Variants in TKTL1 observed in about 807,000 individuals in gnomAD.
TKTL1 encodes the protein transketolase like 1, also known as transketolase-like protein 1.
In TKTL1, 1 loss-of-function variant was observed where a neutral mutation model predicts 39.3. That is an observed-to-expected ratio of 0.03 (90% CI 0.01 to 0.12). The LOEUF (loss-of-function observed/expected upper bound fraction) is 0.12, where lower values mean the gene tolerates loss of function less well. TKTL1 is among the 10% of genes least tolerant of loss of function. TKTL1 has a pLI of 1.00. For missense variants in TKTL1, 575 were observed against 509.6 expected, an observed-to-expected ratio of 1.13 and a Z score of -1.24; for synonymous variants, 262 against 193.8, an observed-to-expected ratio of 1.35 and a Z score of -2.92.
intron 3 of TKTL1, 46 bp downstream of exon 3, chrX:154,309,488 C>T (rs370731932): frequency 2.6e-5 from 28 of 1,074,966 alleles, no homozygotes; most frequent in Non-Finnish European, 3.6e-5. Context: ...ACATCTACAT[C>T]CCCTTCCTAG....
intron 12 of TKTL1, 105 bp downstream of exon 12, chrX:154,328,063 C>T (rs1168602178): frequency 3.9e-6 from 4 of 1,016,233 alleles, no homozygotes; most frequent in South Asian, 2.1e-5. Context: ...ACCTCTCACC[C>T]AGCATGGCTT....
At position 154,330,008 on chromosome X, in the gene TKTL1, C is replaced by G. The variant is rs1557172898; in HGVS notation, c.*320C>G. 5.2e-6 allele frequency: 1 copy of G among 191,439 alleles called. No individual in the cohort carries two copies. Among genetic ancestry groups the G allele is most frequent in the Non-Finnish European group, 9.6e-6 (1 of 104,121 alleles). 15.8% of individuals were successfully genotyped at this position (191,439 alleles called of 1,213,427 possible). A position where few individuals can be genotyped will look rare whatever the true frequency, so the allele number is the denominator to read the frequency against. ...AAGTGGTAGAGGTAATCAATTCTTC[C>G]GAAGTGTTTCCTTCGTGAATAACTG... On this transcript the variant is annotated 3_prime_UTR_variant, in exon 13 of 13. Coordinates refer to ENST00000369915, the MANE Select transcript of TKTL1 (RefSeq NM_012253.4).
Position 154,295,856 on chromosome X carries a change from A to T in TKTL1, c.-4A>T. ...GGTCTTCAGACTCCAAAGGGGTTGG[A>T]CTAATGGCGGATGCTGAGGCGAGGG... On this transcript the variant is annotated 5_prime_UTR_variant, in exon 1 of 13. Transcript: ENST00000369915. 8.3e-7 allele frequency: 1 copy of T among 1,210,637 alleles called. No homozygotes were observed. The highest frequency in any genetic ancestry group is 1.7e-5 in the African/African-American group (1 of 57,768).
At chrX:154,324,909 C>T in intron 9 of TKTL1, among the ~76,000 whole-genome samples, 1 of 112,238 alleles carries the variant, frequency 8.9e-6, no homozygotes, top group East Asian at 2.8e-4. Flanking sequence ...AATGTATTTA[C>T]ATTTTATTGG....
intron 4 of TKTL1, 31 bp downstream of exon 4, chrX:154,311,058 T>C: frequency 8.3e-7 from 1 of 1,211,208 alleles, no homozygotes. Context: ...TTGATTTCCA[T>C]TCTGTCCTGC....
intron 1 of TKTL1, among the ~76,000 whole-genome samples, chrX:154,303,379 ATTTTTTTT>A (rs1172255094): frequency 2.0e-3 from 66 of 33,657 alleles, no homozygotes; most frequent in Non-Finnish European, 2.3e-3. Flanking sequence ...TGCCCAGCTA[ATTTTTTTT>A]TTTTTTTTTT....
Position 154,295,997 on chromosome X carries a change from A to AGTTCTCCTCATTGAAGTCT in TKTL1, c.134+6_134+24dup, listed in dbSNP as rs782294192. ...CCACATGCTCCACGAGCTCCGGGTAAGTTCTCCTCATTGAAGTCTGGGTCA... is the reference window on the plus strand; with the variant it reads ...CCACATGCTCCACGAGCTCCGGGTAAGTTCTCCTCATTGAAGTCTGTTCTCCTCATTGAAGTCTGGGTCA... On this transcript the variant is annotated splice_donor_region_variant and intron_variant, in intron 1 of 12. Transcript: ENST00000369915. The AGTTCTCCTCATTGAAGTCT allele has an allele frequency of 9.1e-6, 11 of 1,210,364 alleles. No individual in the cohort carries two copies. In the South Asian group the frequency reaches 1.2e-4, roughly 14 times the overall value.
At position 154,315,211 on chromosome X, in the gene TKTL1, G is replaced by T; in HGVS notation, c.903G>T (p.Lys301Asn). ...AAGCATGCGGTCTGGCTCTGGCTAA[G>T]CTGGGCTACGCGAACAACAGAGTCG... ...TRKACGLALA[K>N]LGYANNRVVV... Residue 301 changes from lysine to asparagine, a missense_variant, in exon 7 of 13, where the codon AAG (lysine) becomes AAT (asparagine). By Grantham distance (94) the Lys-to-Asn change is moderately conservative (BLOSUM62 0). Coordinates refer to ENST00000369915, the MANE Select transcript of TKTL1 (RefSeq NM_012253.4). The T allele has an allele frequency of 1.7e-6, 2 of 1,211,612 alleles. No individual in the cohort carries two copies. Among genetic ancestry groups the T allele is most frequent in the Non-Finnish European group, 2.2e-6 (2 of 895,410 alleles).
At chrX:154,309,247 T>A in intron 2 of TKTL1, 98 bp from the exon 3 acceptor site, 2 of 721,697 alleles carry the variant, frequency 2.8e-6, no homozygotes, top group East Asian at 6.4e-5. Flanking sequence ...GGGACGCTGC[T>A]ACAGAGCTGA....
chrX:154,309,301 G>A (rs1557167794), intron 2 of TKTL1, 44 bp from the exon 3 acceptor site: 3 of 1,092,923 alleles, frequency 2.7e-6, no homozygotes, highest in East Asian at 6.0e-5. Flanking sequence ...CTGATACCAT[G>A]TCCTGCAGCT....
intron 7 of TKTL1, among the ~76,000 whole-genome samples, chrX:154,317,105 C>G (rs782251300): frequency 2.7e-5 from 3 of 111,418 alleles, no homozygotes; most frequent in Non-Finnish European, 5.7e-5. Flanking sequence ...GAAAACAATG[C>G]GATCCGTAAT....
At chrX:154,303,379 ATTTTTTTTT>A (rs1172255094) in intron 1 of TKTL1, among the ~76,000 whole-genome samples, 23 of 33,669 alleles carry the variant, frequency 6.8e-4, no homozygotes, top group Non-Finnish European at 9.3e-4. Context: ...TGCCCAGCTA[ATTTTTTTTT>A]TTTTTTTTTT....
intron 2 of TKTL1, among the ~76,000 whole-genome samples, chrX:154,308,133 A>T (rs1557167589): frequency 8.9e-6 from 1 of 111,990 alleles, no homozygotes; most frequent in African/African-American, 3.2e-5. Context: ...ATGGAGTGTC[A>T]GGTGGGGCCA....
chrX:154,327,936 A>G lies in TKTL1; in HGVS notation c.1596A>G (p.Thr532=). The change falls in exon 12 of 13, where the codon ACA becomes ACG. Residue 532 remains threonine, a synonymous_variant. Transcript: ENST00000369915. ...SAKATEGRII[T]VEDHYPQGGI... ...AAGCCACAGAGGGCCGGATCATTAC[A>G]GTGGAGGATCACTACCCGCAAGGTG... The G allele has an allele frequency of 9.9e-6, 12 of 1,211,815 alleles. No homozygotes were observed. The highest frequency in any genetic ancestry group is 1.2e-5 in the Non-Finnish European group (11 of 895,486).
rs1393764909 is a variant in TKTL1, at chrX:154,328,057, C to G, written c.1618+99C>G. 2.9e-6 allele frequency: 3 copies of G among 1,042,906 alleles called. No individual in the cohort carries two copies. In the South Asian group the frequency reaches 6.1e-5, roughly 21 times the overall value. 85.9% of individuals were successfully genotyped at this position (1,042,906 alleles called of 1,213,427 possible). ...CTCAGGCATCACCTATAGTCTACCT[C>G]TCACCCAGCATGGCTTTGTTATTTG... On this transcript the variant is annotated intron_variant, in intron 12 of 12. Coordinates refer to ENST00000369915, the MANE Select transcript of TKTL1 (RefSeq NM_012253.4).
intron 1 of TKTL1, among the ~76,000 whole-genome samples, chrX:154,299,829 A>T (rs1279272520): frequency 9.1e-6 from 1 of 110,425 alleles, no homozygotes; most frequent in Non-Finnish European, 1.9e-5. Flanking sequence ...TTCTTTATCC[A>T]CTCATTGGTT....
chrX:154,299,190 T>C (rs1249928082), intron 1 of TKTL1, among the ~76,000 whole-genome samples: 1 of 103,428 alleles, frequency 9.7e-6, no homozygotes, highest in African/African-American at 3.5e-5. Context: ...AGTTTTGCTT[T>C]TGTTGCCCAG....
intron 8 of TKTL1, among the ~76,000 whole-genome samples, chrX:154,321,220 C>G (rs1318924781): frequency 9.2e-6 from 1 of 109,192 alleles, no homozygotes; most frequent in East Asian, 2.9e-4. Flanking sequence ...CTTTTCTGCC[C>G]TCGCTGTGGT....
chrX:154,296,352 G>A (rs782614807), intron 1 of TKTL1, among the ~76,000 whole-genome samples: 35 of 111,472 alleles, frequency 3.1e-4, no homozygotes, highest in African/African-American at 1.1e-3. Flanking sequence ...TGGGCTAGCT[G>A]TGGTTTTCAT....
Sources: allele counts gnomAD v4.1 joint callset (sites outside exome capture counted in the v4.1 genomes callset), GRCh38; gene constraint gnomAD v4.1.1; transcripts MANE v1.5; gene names NCBI Gene and HGNC (gene_info 2026-07-23, HGNC 2026-07-21).